The following CERT1 variants were observed in gnomAD, a reference collection of about 807,000 sequenced individuals.
CERT1 encodes ceramide transfer protein.
A neutral mutation model predicts 87.9 loss-of-function variants in CERT1; 31 were observed. The ratio of observed to expected loss-of-function variants is 0.35; its 90% CI spans 0.27 to 0.48. CERT1 has a LOEUF of 0.48. CERT1 is among the 20% of genes least tolerant of loss of function. CERT1 has a pLI of 0.99. For synonymous variants in CERT1, 289 were observed against 250.9 expected (o/e 1.15, Z -1.44); for missense variants, 487 against 758.0 (o/e 0.64, Z 4.20).
At chr5:75,439,399 GA>G (rs1213433333) in intron 3 of CERT1, among the ~76,000 whole-genome samples, 2 of 151,968 alleles carry the variant, frequency 1.3e-5, no homozygotes, top group South Asian at 2.1e-4. Context: ...CTTGCCTTTT[GA>G]AAACCTTCTT....
intron 5 of CERT1, 125 bp downstream of exon 5, chr5:75,425,236 C>T: frequency 1.2e-6 from 1 of 828,516 alleles, no homozygotes; most frequent in African/African-American, 1.7e-5. Flanking sequence ...ATCTGTTTCA[C>T]TGGGGGTTTG....
At chr5:75,395,367 G>C (rs546733955) in intron 11 of CERT1, among the ~76,000 whole-genome samples, 14 of 152,040 alleles carry the variant, frequency 9.2e-5, no homozygotes, top group African/African-American at 3.4e-4. Flanking sequence ...AACATAGCAA[G>C]GCCCTGTCTC....
At chr5:75,463,689 C>A (rs549808724) in intron 2 of CERT1, among the ~76,000 whole-genome samples, 42 of 152,250 alleles carry the variant, frequency 2.8e-4, no homozygotes, top group African/African-American at 8.9e-4. Context: ...GCACAGCAAG[C>A]CAATCACTGA....
intron 2 of CERT1, among the ~76,000 whole-genome samples, chr5:75,466,715 T>C (rs780485151): frequency 2.0e-5 from 3 of 152,186 alleles, no homozygotes; most frequent in Non-Finnish European, 4.4e-5. Context: ...GCAGCAACTT[T>C]TCTTCTGAGT....
chr5:75,484,794 C>T (rs550395523), intron 2 of CERT1, among the ~76,000 whole-genome samples: 61 of 152,072 alleles, frequency 4.0e-4, no homozygotes, highest in Non-Finnish European at 7.4e-5. Context: ...CAACACCCCA[C>T]TTTCAGCACT....
intron 3 of CERT1, among the ~76,000 whole-genome samples, chr5:75,445,440 C>G (rs989328065): frequency 1.3e-5 from 2 of 152,084 alleles, no homozygotes; most frequent in African/African-American, 4.8e-5. Context: ...TTTATTTGGG[C>G]GTGTTTAAAT....
At chr5:75,426,567 A>G (rs111935964) in intron 3 of CERT1, 89 bp from the exon 4 acceptor site, 8 of 908,370 alleles carry the variant, frequency 8.8e-6, no homozygotes, top group Non-Finnish European at 8.7e-6. Flanking sequence ...CAAGGTTATT[A>G]TAACAATTGG....
chr5:75,471,724 C>T (rs935846175), intron 2 of CERT1, among the ~76,000 whole-genome samples: 2 of 144,892 alleles, frequency 1.4e-5, no homozygotes, highest in African/African-American at 5.4e-5. Context: ...CCACTGCACT[C>T]CAGCCTTGTG....
At chr5:75,438,336 C>T (rs999275292) in intron 3 of CERT1, among the ~76,000 whole-genome samples, 1 of 152,084 alleles carries the variant, frequency 6.6e-6, no homozygotes, top group Non-Finnish European at 1.5e-5. Flanking sequence ...CTCAAGATAT[C>T]CACTTTGAAA....
chr5:75,384,418 C>A (rs1004687811), intron 14 of CERT1, among the ~76,000 whole-genome samples: 1 of 152,198 alleles, frequency 6.6e-6, no homozygotes, highest in Non-Finnish European at 1.5e-5. Context: ...CTTTATCAAG[C>A]ACTCTATTTC....
chr5:75,386,672 T>C (rs1761798422), intron 12 of CERT1, among the ~76,000 whole-genome samples: 1 of 152,232 alleles, frequency 6.6e-6, no homozygotes, highest in Admixed American at 6.5e-5. Context: ...AGTGCCAATT[T>C]ATGAAGGACC....
intron 17 of CERT1, chr5:75,372,565 A>G (rs1315232942): frequency 2.0e-5 from 3 of 152,212 alleles, no homozygotes; most frequent in Non-Finnish European, 4.4e-5. Context: ...TCATTTACAG[A>G]AAGGTAAATT....
downstream of CERT1, chr5:75,374,543 C>A (rs1321241169): frequency 2.8e-6 from 2 of 716,828 alleles, no homozygotes; most frequent in Admixed American, 3.5e-5. Flanking sequence ...CGAACCGTGC[C>A]TGATGCGTGC....
chr5:75,414,326 T>A (rs1258212621), intron 7 of CERT1, among the ~76,000 whole-genome samples: 3 of 152,148 alleles, frequency 2.0e-5, no homozygotes, highest in Non-Finnish European at 4.4e-5. Flanking sequence ...TGTCTATGGT[T>A]AAGGGGTGTA....
intron 1 of CERT1, among the ~76,000 whole-genome samples, chr5:75,506,727 A>T (rs868333809): frequency 6.6e-6 from 1 of 152,376 alleles, no homozygotes; most frequent in African/African-American, 2.4e-5. Context: ...AATATTAAAA[A>T]TGGCCAATAC....
chr5:75,493,331 T>C (rs1032327562), intron 2 of CERT1, among the ~76,000 whole-genome samples: 40 of 152,226 alleles, frequency 2.6e-4, no homozygotes, highest in African/African-American at 7.0e-4. Context: ...TCTGTAGACA[T>C]GTAAGTATGC....
At position 75,511,615 on chromosome 5, in the gene CERT1, C is replaced by T; in HGVS notation, c.-408G>A. 6.8e-7 allele frequency: 1 copy of T among 1,474,924 alleles called. No homozygotes were observed. The allele number at this position is 1,474,924 out of a possible 1,614,324, so 91.4% of individuals were successfully genotyped here. On this transcript the variant is annotated 5_prime_UTR_variant, in exon 1 of 17. Transcript: ENST00000643780. Reference sequence around the variant, plus strand: ...CTCCGCTACCGCCGCCATCTTCCTGCCTGGCCCACTATTTACCCTCCCCTC... The same window carrying T: ...CTCCGCTACCGCCGCCATCTTCCTGTCTGGCCCACTATTTACCCTCCCCTC...
At chr5:75,437,803 G>T (rs528838262) in intron 3 of CERT1, among the ~76,000 whole-genome samples, 1 of 148,038 alleles carries the variant, frequency 6.8e-6, no homozygotes, top group African/African-American at 2.5e-5. Flanking sequence ...AGAAAAGATA[G>T]TATACTCATG....
intron 2 of CERT1, among the ~76,000 whole-genome samples, chr5:75,492,940 G>GC (rs986634713): frequency 1.3e-5 from 2 of 152,154 alleles, no homozygotes; most frequent in African/African-American, 4.8e-5. Flanking sequence ...CATATCCAGG[G>GC]TTTCTGATCC....
Sources: gnomAD v4.1 joint callset for allele counts (sites outside exome capture counted in the v4.1 genomes callset) on GRCh38, gnomAD v4.1.1 for gene constraint, MANE v1.5 for transcripts, NCBI Gene and HGNC (gene_info 2026-07-23, HGNC 2026-07-21) for gene names.